Variants in UTP20 observed in about 807,000 individuals in gnomAD.
UTP20 encodes UTP20 small subunit processome component, also known as small subunit processome component 20 homolog.
UTP20 carries 164 observed loss-of-function variants against 329.5 expected under a neutral mutation model. The observed-to-expected ratio is 0.50, with a 90% CI of 0.44 to 0.57. The LOEUF is 0.57. UTP20 is among the 20% of genes least tolerant of loss of function. The probability of loss-of-function intolerance (pLI) is 0.00; values close to 1 mark genes in which losing one functional copy is unlikely to be tolerated. For synonymous variants in UTP20, 1,151 were observed against 1,159.3 expected (o/e 0.99, Z 0.14); for missense variants, 3,055 against 3,284.2 (o/e 0.93, Z 1.71).
intron 11 of UTP20, among the ~76,000 whole-genome samples, chr12:101,294,421 C>G (rs1354419573): frequency 4.6e-5 from 7 of 152,036 alleles, no homozygotes; most frequent in Non-Finnish European, 1.0e-4. Context: ...TCCTTTATAC[C>G]TCTCATGCTC....
chr12:101,340,937 C>CTTTTTT (rs71091488), intron 32 of UTP20, among the ~76,000 whole-genome samples: 13 of 83,012 alleles, frequency 1.6e-4, no homozygotes, highest in Admixed American at 3.0e-4. Flanking sequence ...ATTGTGTAAT[C>CTTTTTT]TTTTTTTTTT....
chr12:101,333,155 G>C (rs1185210699), intron 27 of UTP20, 146 bp from the exon 28 acceptor site: 10 of 730,484 alleles, frequency 1.4e-5, no homozygotes, highest in Non-Finnish European at 2.2e-6. Context: ...TGCTTGGTTG[G>C]TGTTCCCATG....
intron 3 of UTP20, 42 bp downstream of exon 3, chr12:101,285,678 C>T (rs1042579371): frequency 1.2e-6 from 2 of 1,613,480 alleles, no homozygotes; most frequent in Non-Finnish European, 8.5e-7. Context: ...CCATAGTTTG[C>T]ACTTTATATG....
chr12:101,373,534 C>T, intron 53 of UTP20, 51 bp from the exon 54 acceptor site: 1 of 1,612,898 alleles, frequency 6.2e-7, no homozygotes. Flanking sequence ...TTTGCTAGAG[C>T]ATCTGTAGGA....
intron 54 of UTP20, 102 bp downstream of exon 54, chr12:101,373,869 C>A (rs1870382038): frequency 7.8e-7 from 1 of 1,274,780 alleles, no homozygotes; most frequent in Non-Finnish European, 1.1e-6. Flanking sequence ...GGTTTTTTTC[C>A]CAAATAGTGT....
chr12:101,295,310 C>G (rs77117540), intron 11 of UTP20, among the ~76,000 whole-genome samples, 170 bp from the exon 12 acceptor site: 7,461 of 152,256 alleles, frequency 0.049, 606 homozygotes, highest in African/African-American at 0.17. Context: ...CATCCTTCCT[C>G]AGAGTTTTAA....
chr12:101,327,379 T>C, intron 26 of UTP20, 132 bp downstream of exon 26: 1 of 912,816 alleles, frequency 1.1e-6, no homozygotes, highest in East Asian at 2.8e-5. Flanking sequence ...GGCAATCTTT[T>C]TGCTGAAGTG....
At chr12:101,325,674 G>C (rs566671955) in intron 25 of UTP20, among the ~76,000 whole-genome samples, 94 of 152,330 alleles carry the variant, frequency 6.2e-4, no homozygotes, top group African/African-American at 2.1e-3. Flanking sequence ...AGTATTTGAT[G>C]TACAAGCTGA....
chr12:101,345,087 A>G (rs1869278685), intron 36 of UTP20, among the ~76,000 whole-genome samples: 1 of 151,882 alleles, frequency 6.6e-6, no homozygotes, highest in Admixed American at 6.6e-5. Context: ...CCGGGATTAC[A>G]GGCACATGCC....
Position 101,327,254 on chromosome 12 carries a change from A to G in UTP20, c.3208+7A>G. ...GTGAGGCATTTCAAGAATGGTAACT[A>G]TCAGCTACCTCTCACTCTAATACCT... On this transcript the variant is annotated splice_region_variant and intron_variant, in intron 26 of 61. Coordinates refer to ENST00000261637, the MANE Select transcript of UTP20 (RefSeq NM_014503.3). 1 of 1,584,392 alleles carries G rather than the reference A, an allele frequency of 6.3e-7. No homozygotes were observed. The highest frequency in any genetic ancestry group is 8.6e-7 in the Non-Finnish European group (1 of 1,157,334).
chr12:101,346,380 A>G, intron 37 of UTP20, 71 bp from the exon 38 acceptor site: 1 of 1,489,794 alleles, frequency 6.7e-7, no homozygotes. Flanking sequence ...AAAAGAGAAT[A>G]CGATACTAAA....
intron 27 of UTP20, among the ~76,000 whole-genome samples, chr12:101,331,243 A>G (rs1868747741): frequency 6.6e-6 from 1 of 152,230 alleles, no homozygotes; most frequent in African/African-American, 2.4e-5. Context: ...TGAATAGAAC[A>G]TGCAGATTGT....
chr12:101,290,751 C>A lies in UTP20; in HGVS notation c.754C>A (p.Arg252=). 1 of 1,604,174 alleles carries A rather than the reference C, an allele frequency of 6.2e-7. No individual in the cohort carries two copies. Among genetic ancestry groups the A allele is most frequent in the South Asian group, 1.1e-5 (1 of 88,444 alleles). Residue 252 remains arginine (R), a synonymous_variant, in exon 8 of 62, where the codon CGA becomes AGA. Coordinates refer to ENST00000261637, the MANE Select transcript of UTP20 (RefSeq NM_014503.3). ...CCCACAGGCAGTGAAGCTAATTTTG[C>A]GAAAGCTAGGACCAGTCACTGAAAC... ...CTGQAVKLIL[R]KLGPVTETET... is the part of the protein sequence containing the mutation.
chr12:101,319,436 A>T, intron 22 of UTP20, 109 bp from the exon 23 acceptor site: 1 of 705,200 alleles, frequency 1.4e-6, no homozygotes, highest in Non-Finnish European at 2.3e-6. Flanking sequence ...TAGTGAAACT[A>T]TAGGCGGGGT....
chr12:101,284,597 A>G (rs1427946505), intron 2 of UTP20, among the ~76,000 whole-genome samples: 1 of 152,128 alleles, frequency 6.6e-6, no homozygotes, highest in Non-Finnish European at 1.5e-5. Context: ...TTGGGGGGGT[A>G]TGCATTTATT....
At chr12:101,362,912 G>A (rs1234003898) in intron 44 of UTP20, among the ~76,000 whole-genome samples, 1 of 131,444 alleles carries the variant, frequency 7.6e-6, no homozygotes, top group Non-Finnish European at 1.5e-5. Context: ...GTGGGTGGAT[G>A]ACTTGAGACC....
chr12:101,368,079 T>C (rs1262933554), intron 48 of UTP20, 103 bp downstream of exon 48: 2 of 823,850 alleles, frequency 2.4e-6, no homozygotes, highest in South Asian at 1.8e-5. Flanking sequence ...CTTTATGAGA[T>C]GATTGAGGTG....
Position 101,338,183 on chromosome 12 carries a change from C to T in UTP20, c.3774C>T (p.Asp1258=). 1 of 1,614,132 alleles carries T rather than the reference C, an allele frequency of 6.2e-7. No homozygotes were observed. Among genetic ancestry groups the T allele is most frequent in the Middle Eastern group, 1.7e-4 (1 of 6,060 alleles). Residue 1258 remains aspartate (D), a synonymous_variant, in exon 30 of 62, where the codon GAC becomes GAT. Transcript: ENST00000261637. ...GTATTGTAATGGACATAGTTGATGA[C>T]CTTCTTAACCTTCCAGATTTCGAGC... ...TASIVMDIVD[D]LLNLPDFEPT... is the part of the protein sequence containing the mutation.
chr12:101,369,774 T>C lies in UTP20; in HGVS notation c.6438T>C (p.Pro2146=), dbSNP rs150998100. ...TCTGGGTCTTGAGGTTCCCGCTACC[T>C]TCCATAGAAACAAAAGCAGAGCAGC... is the stretch of plus-strand genomic sequence containing the variant. ...CLIWVLRFPL[P]SIETKAEQLT... Residue 2146 remains proline, a synonymous_variant, in exon 49 of 62, where the codon CCT becomes CCC. Transcript: ENST00000261637. 336 of 1,610,006 alleles carry C rather than the reference T, an allele frequency of 2.1e-4. No homozygotes were observed. The highest frequency in any genetic ancestry group is 8.3e-4 in the Middle Eastern group (5 of 6,056).
Sources: gnomAD v4.1 joint callset for allele counts (sites outside exome capture counted in the v4.1 genomes callset) on GRCh38, gnomAD v4.1.1 for gene constraint, MANE v1.5 for transcripts, NCBI Gene and HGNC (gene_info 2026-07-23, HGNC 2026-07-21) for gene names.